PPP1R9A: variants seen among roughly 807,000 people sequenced by gnomAD.
The protein encoded by PPP1R9A is protein phosphatase 1 regulatory subunit 9A, also known as neurabin-1.
PPP1R9A carries 59 observed loss-of-function variants against 141.9 expected under a neutral mutation model. The observed-to-expected ratio is 0.42, with a 90% confidence interval of 0.34 to 0.52. PPP1R9A has a LOEUF of 0.52. Among genes scored for constraint, PPP1R9A ranks in the 20% least tolerant of loss-of-function variants. PPP1R9A has a pLI of 0.10. For missense variants in PPP1R9A, 1,444 were observed against 1,611.9 expected (o/e 0.90, Z 1.78); for synonymous variants, 500 against 569.7 (o/e 0.88, Z 1.74).
chr7:95,166,300 G>T (rs1212420044), intron 5 of PPP1R9A, among the ~76,000 whole-genome samples: 1 of 152,132 alleles, frequency 6.6e-6, no homozygotes, highest in African/African-American at 2.4e-5. Flanking sequence ...ATTGTTGAAA[G>T]TGTCACTAGC....
intron 2 of PPP1R9A, among the ~76,000 whole-genome samples, chr7:95,061,527 A>G (rs2078882): frequency 0.67 from 101,108 of 151,886 alleles, 34,471 homozygotes; most frequent in African/African-American, 0.81. Flanking sequence ...CTTGAGCCCA[A>G]GAGTTTGAGA....
chr7:94,939,271 C>G (rs1247693671), intron 2 of PPP1R9A, among the ~76,000 whole-genome samples: 3 of 151,880 alleles, frequency 2.0e-5, no homozygotes, highest in Non-Finnish European at 2.9e-5. Flanking sequence ...AAGACACTTT[C>G]TAAACTTAAA....
intron 5 of PPP1R9A, among the ~76,000 whole-genome samples, chr7:95,163,650 G>C (rs1290362520): frequency 6.6e-6 from 1 of 152,146 alleles, no homozygotes; most frequent in Admixed American, 6.6e-5. Context: ...TGAGTGTTCT[G>C]AACATTTTGG....
intron 7 of PPP1R9A, among the ~76,000 whole-genome samples, chr7:95,223,590 T>G (rs1036764188): frequency 6.6e-6 from 1 of 152,094 alleles, no homozygotes; most frequent in South Asian, 2.1e-4. Context: ...CATATTTATA[T>G]TAATTCTCTC....
intron 2 of PPP1R9A, among the ~76,000 whole-genome samples, chr7:94,963,548 T>C (rs1408810365): frequency 6.6e-6 from 1 of 152,168 alleles, no homozygotes; most frequent in African/African-American, 2.4e-5. Flanking sequence ...TCATATAATA[T>C]GTGGTCTTCT....
chr7:95,239,421 A>AT (rs1371540149), intron 8 of PPP1R9A, among the ~76,000 whole-genome samples: 11 of 152,182 alleles, frequency 7.2e-5, no homozygotes, highest in Admixed American at 2.0e-4. Flanking sequence ...TAGCTTTAAA[A>AT]TAATATAATC....
chr7:95,068,749 G>A (rs1157023474), intron 2 of PPP1R9A, among the ~76,000 whole-genome samples: 1 of 152,086 alleles, frequency 6.6e-6, no homozygotes, highest in Non-Finnish European at 1.5e-5. Context: ...ACCAAGGAAG[G>A]CTAGAAGAAG....
intron 3 of PPP1R9A, among the ~76,000 whole-genome samples, chr7:95,117,848 A>G (rs572988052): frequency 6.6e-6 from 1 of 152,280 alleles, no homozygotes; most frequent in African/African-American, 2.4e-5. Flanking sequence ...ACATATATAC[A>G]CCAGAGATTT....
chr7:95,077,045 C>T (rs898275500), intron 2 of PPP1R9A, among the ~76,000 whole-genome samples: 3 of 151,790 alleles, frequency 2.0e-5, no homozygotes, highest in Non-Finnish European at 4.4e-5. Context: ...TTACTTTTAA[C>T]CTTTTAGAAT....
intron 7 of PPP1R9A, among the ~76,000 whole-genome samples, chr7:95,204,924 C>G (rs1325768578): frequency 6.9e-6 from 1 of 145,230 alleles, no homozygotes; most frequent in African/African-American, 2.5e-5. Flanking sequence ...CGCCCCCACA[C>G]CATACACACA....
Position 94,910,830 on chromosome 7 carries a change from A to G in PPP1R9A, c.717A>G (p.Pro239=). 17 of 1,613,872 alleles carry G rather than the reference A, an allele frequency of 1.1e-5. No individual in the cohort carries two copies. Among genetic ancestry groups the G allele is most frequent in the Non-Finnish European group, 1.4e-5 (16 of 1,179,986 alleles). ...CTGGGCATTATCCCTTGAATTTACC[A>G]TCTGTTACTGTTACAAATCTTGACA... ...SVTGHYPLNL[P]SVTVTNLDTF... Residue 239 remains proline, a synonymous_variant, in exon 2 of 20, where the codon CCA becomes CCG. Coordinates refer to ENST00000433360, the MANE Select transcript of PPP1R9A (RefSeq NM_001166160.2). This position sits in a 1 kb window ranked among gnomAD's most constrained non-coding sequence, Gnocchi z 4.5.
chr7:95,250,564 A>G (rs750405993), intron 10 of PPP1R9A, among the ~76,000 whole-genome samples: 7 of 152,188 alleles, frequency 4.6e-5, no homozygotes, highest in Non-Finnish European at 8.8e-5. Flanking sequence ...CACCTCTATG[A>G]TTTAGAAACA....
At chr7:95,266,738 TA>T (rs1276372955) in intron 12 of PPP1R9A, among the ~76,000 whole-genome samples, 2 of 152,160 alleles carry the variant, frequency 1.3e-5, no homozygotes, top group Non-Finnish European at 1.5e-5. Flanking sequence ...AGATAAGGCA[TA>T]AAACGTGCAA....
chr7:95,273,739 A>C (rs1802619511), intron 14 of PPP1R9A, among the ~76,000 whole-genome samples, 160 bp from the exon 15 acceptor site: 1 of 152,232 alleles, frequency 6.6e-6, no homozygotes, highest in Non-Finnish European at 1.5e-5. Flanking sequence ...CGAGTTCCTC[A>C]ATGTAACTGT....
Position 95,290,312 on chromosome 7 carries a change from C to T in PPP1R9A, c.*9C>T. ...GTGCTGGTGAGCAGTAACACATACC[C>T]TCTTACAGATGATGGAGATGCTCCA... On this transcript the variant is annotated 3_prime_UTR_variant, in exon 20 of 20. Coordinates refer to ENST00000433360, the MANE Select transcript of PPP1R9A (RefSeq NM_001166160.2). 1 of 1,603,204 alleles carries T rather than the reference C, an allele frequency of 6.2e-7. No individual in the cohort carries two copies. Among genetic ancestry groups the T allele is most frequent in the East Asian group, 2.3e-5 (1 of 44,274 alleles).
chr7:95,072,325 ATT>A (rs1385165267), intron 2 of PPP1R9A, among the ~76,000 whole-genome samples: 4 of 144,614 alleles, frequency 2.8e-5, no homozygotes, highest in African/African-American at 1.0e-4. Flanking sequence ...TATAATATAT[ATT>A]ATATATAATA....
intron 8 of PPP1R9A, among the ~76,000 whole-genome samples, chr7:95,235,280 G>A (rs537013609): frequency 6.6e-6 from 1 of 152,004 alleles, no homozygotes; most frequent in Admixed American, 6.6e-5. Context: ...GACAAAGAAC[G>A]AATATCCAGA....
chr7:95,222,104 G>C (rs182733425), intron 7 of PPP1R9A, among the ~76,000 whole-genome samples: 8 of 152,002 alleles, frequency 5.3e-5, no homozygotes, highest in Non-Finnish European at 1.0e-4. Flanking sequence ...GAAGAGAAGA[G>C]GACAAGAACT....
At chr7:95,068,235 C>T (rs989274721) in intron 2 of PPP1R9A, among the ~76,000 whole-genome samples, 1 of 151,596 alleles carries the variant, frequency 6.6e-6, no homozygotes. Context: ...TTTGGGAGGC[C>T]GAGGTGGGCA....
Sources: allele counts gnomAD v4.1 joint callset (sites outside exome capture counted in the v4.1 genomes callset), GRCh38; gene constraint gnomAD v4.1.1; non-coding constraint Gnocchi (gnomAD v3.1); transcripts MANE v1.5; gene names NCBI Gene and HGNC (gene_info 2026-07-23, HGNC 2026-07-21).